Variants in FSIP1 observed in about 807,000 individuals in gnomAD.
FSIP1 encodes fibrous sheath interacting protein 1.
A neutral mutation model predicts 60.9 loss-of-function variants in FSIP1; 65 were observed. That is an observed-to-expected ratio of 1.07 (90% CI 0.87 to 1.31). The LOEUF (loss-of-function observed/expected upper bound fraction) is 1.31, where lower values mean the gene tolerates loss of function less well. Ranked by LOEUF, FSIP1 falls within the 40% of genes most tolerant of loss-of-function variation. The pLI is 0.00. For missense variants in FSIP1, 675 were observed against 665.5 expected (o/e 1.01, Z -0.16); for synonymous variants, 209 against 221.2 (o/e 0.94, Z 0.49).
chr15:39,780,340 C>T (rs943162186), intron 1 of FSIP1, among the ~76,000 whole-genome samples: 75 of 152,180 alleles, frequency 4.9e-4, no homozygotes, highest in African/African-American at 1.3e-3. Flanking sequence ...CTGGCTAACA[C>T]GGTGAAACCC....
intron 10 of FSIP1, among the ~76,000 whole-genome samples, chr15:39,700,794 G>T (rs1222409635): frequency 1.3e-5 from 2 of 152,182 alleles, no homozygotes; most frequent in African/African-American, 4.8e-5. Flanking sequence ...AGGATGAATA[G>T]ATTTCCTGAA....
intron 4 of FSIP1, 53 bp from the exon 5 acceptor site, chr15:39,763,967 C>A (rs1897592499): frequency 1.0e-6 from 1 of 957,724 alleles, no homozygotes; most frequent in South Asian, 1.4e-5. Context: ...CAACTATAAT[C>A]ATTGATTTTT....
chr15:39,667,440 T>C (rs941847701), intron 10 of FSIP1, among the ~76,000 whole-genome samples: 3 of 152,172 alleles, frequency 2.0e-5, no homozygotes, highest in African/African-American at 7.2e-5. Context: ...AGGAGTGAGA[T>C]GGAAAGCATA....
intron 10 of FSIP1, among the ~76,000 whole-genome samples, chr15:39,688,800 C>T (rs1054371385): frequency 1.3e-5 from 2 of 152,208 alleles, no homozygotes; most frequent in Non-Finnish European, 2.9e-5. Context: ...TGCCTAACAC[C>T]TGTGGGTGAG....
chr15:39,748,431 G>T (rs557016592), intron 5 of FSIP1, among the ~76,000 whole-genome samples: 2 of 152,020 alleles, frequency 1.3e-5, no homozygotes, highest in Admixed American at 6.6e-5. Context: ...TTTCCCTGGG[G>T]GTATTAATCA....
chr15:39,693,940 C>T (rs1894708164), intron 10 of FSIP1, among the ~76,000 whole-genome samples: 1 of 151,542 alleles, frequency 6.6e-6, no homozygotes, highest in Non-Finnish European at 1.5e-5. Flanking sequence ...ATATTCTCAT[C>T]ACAAAAAAAA....
At chr15:39,693,890 T>G (rs1894705792) in intron 10 of FSIP1, among the ~76,000 whole-genome samples, 1 of 151,938 alleles carries the variant, frequency 6.6e-6, no homozygotes, top group Non-Finnish European at 1.5e-5. Flanking sequence ...TTCATGAAGA[T>G]GAAACAAAAA....
chr15:39,652,207 G>A (rs547001224), intron 10 of FSIP1, among the ~76,000 whole-genome samples: 4 of 152,216 alleles, frequency 2.6e-5, no homozygotes, highest in Admixed American at 1.3e-4. Context: ...GGGGAGGATC[G>A]GGCTAAATAT....
intron 11 of FSIP1, among the ~76,000 whole-genome samples, chr15:39,605,331 C>A (rs570787135): frequency 5.9e-5 from 9 of 152,232 alleles, no homozygotes; most frequent in African/African-American, 2.2e-4. Flanking sequence ...AGCTAGAAAA[C>A]AAACAAGCAA....
chr15:39,768,791 A>G (rs966639648), intron 3 of FSIP1, among the ~76,000 whole-genome samples: 3 of 152,260 alleles, frequency 2.0e-5, no homozygotes, highest in African/African-American at 7.2e-5. Flanking sequence ...GTTAAGTGAA[A>G]CCTGTAATCA....
chr15:39,661,182 T>C (rs1351167148), intron 10 of FSIP1, among the ~76,000 whole-genome samples: 1 of 152,244 alleles, frequency 6.6e-6, no homozygotes, highest in Non-Finnish European at 1.5e-5. Context: ...AACTAGGGAC[T>C]TCAAAATATT....
At chr15:39,641,070 A>G (rs1158822715) in intron 10 of FSIP1, among the ~76,000 whole-genome samples, 1 of 152,246 alleles carries the variant, frequency 6.6e-6, no homozygotes, top group African/African-American at 2.4e-5. Context: ...CAAAAGGCTC[A>G]TGGACAGAAA....
At chr15:39,715,067 C>T (rs930079011) in intron 9 of FSIP1, among the ~76,000 whole-genome samples, 13 of 152,056 alleles carry the variant, frequency 8.5e-5, no homozygotes, top group African/African-American at 3.1e-4. Context: ...CTGCCAGAGC[C>T]TCCTGGCTGG....
At chr15:39,722,925 G>C (rs541604826) in intron 9 of FSIP1, among the ~76,000 whole-genome samples, 3 of 150,776 alleles carry the variant, frequency 2.0e-5, no homozygotes, top group African/African-American at 7.3e-5. Context: ...GCGAGACCTT[G>C]TCTCTTGAAG....
intron 10 of FSIP1, among the ~76,000 whole-genome samples, chr15:39,628,034 G>A (rs570500959): frequency 3.6e-4 from 55 of 152,342 alleles, no homozygotes; most frequent in Admixed American, 2.0e-3. Context: ...CTGGCTGGGT[G>A]CAGGTACTGC....
chr15:39,629,649 T>G (rs1041165079), intron 10 of FSIP1, among the ~76,000 whole-genome samples: 3 of 152,204 alleles, frequency 2.0e-5, no homozygotes, highest in Non-Finnish European at 4.4e-5. Context: ...TCCTGAGGTG[T>G]GCTTCCTCAC....
At chr15:39,655,305 A>G (rs1893028825) in intron 10 of FSIP1, among the ~76,000 whole-genome samples, 2 of 152,226 alleles carry the variant, frequency 1.3e-5, no homozygotes, top group South Asian at 4.1e-4. Flanking sequence ...ATGGATATAC[A>G]CCATCCCCCT....
intron 1 of FSIP1, among the ~76,000 whole-genome samples, chr15:39,778,531 A>G (rs921748011): frequency 6.6e-6 from 1 of 152,230 alleles, no homozygotes; most frequent in African/African-American, 2.4e-5. Context: ...TTAAAATTGG[A>G]TCTTATAGAT....
At chr15:39,766,537 C>A (rs1222344568) in intron 3 of FSIP1, among the ~76,000 whole-genome samples, 1 of 152,192 alleles carries the variant, frequency 6.6e-6, no homozygotes, top group Non-Finnish European at 1.5e-5. Context: ...TAATTTTTAA[C>A]TGAGTTACAC....
Sources: gnomAD v4.1 joint callset for allele counts (sites outside exome capture counted in the v4.1 genomes callset) on GRCh38, gnomAD v4.1.1 for gene constraint, MANE v1.5 for transcripts, NCBI Gene and HGNC (gene_info 2026-07-23, HGNC 2026-07-21) for gene names.